Variants in KAT2A observed in about 807,000 individuals in gnomAD.
KAT2A encodes the protein lysine acetyltransferase 2A.
A neutral mutation model predicts 95.2 loss-of-function variants in KAT2A; 42 were observed. The ratio of observed to expected loss-of-function variants is 0.44; its 90% confidence interval spans 0.34 to 0.57. KAT2A has a LOEUF of 0.57. Among genes scored for constraint, KAT2A ranks in the 20% least tolerant of loss-of-function variants. The probability of loss-of-function intolerance (pLI) is 0.01; values close to 1 mark genes in which losing one functional copy is unlikely to be tolerated. For synonymous variants in KAT2A, 449 were observed against 448.2 expected (o/e 1.00, Z -0.02); for missense variants, 784 against 1,126.3 (o/e 0.70, Z 4.35).
rs782386064 is a variant in KAT2A, at chr17:42,120,377, G to C, written c.464-7C>G. The C allele has an allele frequency of 3.7e-6, 6 of 1,613,918 alleles. No individual in the cohort carries two copies. The highest frequency in any genetic ancestry group is 1.7e-5 in the Admixed American group (1 of 59,996). ...AAGTGGGATACGTGGTCAGCTGCAAGACAGATGGCAGAGTTAGGAAAAATT... is the reference window on the plus strand; with the variant it reads ...AAGTGGGATACGTGGTCAGCTGCAACACAGATGGCAGAGTTAGGAAAAATT... On this transcript the variant is annotated splice_polypyrimidine_tract_variant and splice_region_variant and intron_variant, in intron 2 of 17. Coordinates refer to ENST00000225916, the MANE Select transcript of KAT2A (RefSeq NM_021078.3).
At position 42,119,760 on chromosome 17, in the gene KAT2A, T is replaced by A; in HGVS notation, c.700-42A>T. The A allele has an allele frequency of 6.5e-7, 1 of 1,527,530 alleles. No individual in the cohort carries two copies. The highest frequency in any genetic ancestry group is 1.4e-5 in the African/African-American group (1 of 72,412). The allele number at this position is 1,527,530 out of a possible 1,614,324, so 94.6% of individuals were successfully genotyped here. On this transcript the variant is annotated intron_variant, in intron 4 of 17. Coordinates refer to ENST00000225916, the MANE Select transcript of KAT2A (RefSeq NM_021078.3). The surrounding 1 kb of genome is among the most constrained non-coding windows in gnomAD (Gnocchi z 5.3). ...GGGGGATAAAACCAGGAATGAGGTG[T>A]GAGCAGCCCGCAGGGCCTTCTTAGA...
chr17:42,120,537 T>C (rs927421834), intron 2 of KAT2A, among the ~76,000 whole-genome samples, 167 bp from the exon 3 acceptor site: 1 of 152,218 alleles, frequency 6.6e-6, no homozygotes, highest in Non-Finnish European at 1.5e-5. Context: ...GGGCCTGTTC[T>C]GGGCTGAGAG....
In KAT2A at chr17:42,119,377, G is replaced by A. The variant is rs1332371132; in HGVS notation, c.941C>T (p.Thr314Ile). Residue 314 changes from threonine (T) to isoleucine (I), a missense_variant, in exon 6 of 18, where the codon ACT becomes ATT. Transcript: ENST00000225916. The surrounding 1 kb of genome is among the most constrained non-coding windows in gnomAD (Gnocchi z 5.3). ...SCDSLPRYET[T>I]HVFGRSLLRS... ...GAGAAGGCTTCGCCCAAAGACATGA[G>A]TGGTTTCGTAGCGGGGGAGGCTATC... 5 of 1,613,998 alleles carry A rather than the reference G, an allele frequency of 3.1e-6. No individual in the cohort carries two copies. The highest frequency in any genetic ancestry group is 4.2e-6 in the Non-Finnish European group (5 of 1,179,980).
At chr17:42,115,332 C>T (rs1245928854) in intron 12 of KAT2A, among the ~76,000 whole-genome samples, 1 of 131,238 alleles carries the variant, frequency 7.6e-6, no homozygotes, top group Non-Finnish European at 1.6e-5. Context: ...ACTGGCCCCC[C>T]AGTTCCTCCA....
rs140809269 is a variant in KAT2A at position 42,118,022 on chromosome 17, GGAGA to G, written c.1181-9_1181-6del. The G allele has an allele frequency of 4.1e-6, 6 of 1,460,264 alleles. No homozygotes were observed. Among genetic ancestry groups the G allele is most frequent in the Non-Finnish European group, 5.6e-6 (6 of 1,077,046 alleles). The allele number at this position is 1,460,264 out of a possible 1,614,324, so 90.5% of individuals were successfully genotyped here. ...CAACCGCTGCACTGACTGAAGCTGA[GGAGA>G]GAGAGAGACGTCAGGGATGGGGGGC... is the stretch of plus-strand genomic sequence containing the variant. On this transcript the variant is annotated splice_region_variant and splice_polypyrimidine_tract_variant and intron_variant, in intron 7 of 17. Transcript: ENST00000225916.
rs782454613 is a variant in KAT2A at position 42,120,021 on chromosome 17, C to A, written c.699+9G>T. The A allele has an allele frequency of 6.2e-7, 1 of 1,610,102 alleles. No individual in the cohort carries two copies. Among genetic ancestry groups the A allele is most frequent in the African/African-American group, 1.3e-5 (1 of 74,830 alleles). On this transcript the variant is annotated intron_variant, in intron 4 of 17. Transcript: ENST00000225916. ...CTCCTATCCGCTATCTCCAATTCCCCTATCTCACCTGCTCAATATTAGGTT... is the reference window on the plus strand; with the variant it reads ...CTCCTATCCGCTATCTCCAATTCCCATATCTCACCTGCTCAATATTAGGTT...
At position 42,120,209 on chromosome 17, in the gene KAT2A, T is replaced by G. The variant is rs1198833562; in HGVS notation, c.609+16A>C. The stretch of plus-strand genomic sequence containing the variant: ...CCCACCTCCTTCACTCACACCCTCC[T>G]TTAGTGGAAGCTCACCTTGAAGAGG... On this transcript the variant is annotated intron_variant, in intron 3 of 17. Coordinates refer to ENST00000225916, the MANE Select transcript of KAT2A (RefSeq NM_021078.3). 5 of 1,614,010 alleles carry G rather than the reference T, an allele frequency of 3.1e-6. No individual in the cohort carries two copies. The highest frequency in any genetic ancestry group is 4.2e-6 in the Non-Finnish European group (5 of 1,179,970).
At chr17:42,115,067 C>A in intron 12 of KAT2A, 32 bp from the exon 13 acceptor site, 1 of 1,607,590 alleles carries the variant, frequency 6.2e-7, no homozygotes, top group Non-Finnish European at 8.5e-7. Context: ...CCCAGTCCAT[C>A]CATAAGTATT....
Position 42,117,192 on chromosome 17 carries a change from T to C in KAT2A, c.1638-31A>G, listed in dbSNP as rs1555666140. 1 of 1,610,386 alleles carries C rather than the reference T, an allele frequency of 6.2e-7. No homozygotes were observed. The highest frequency in any genetic ancestry group is 1.1e-5 in the South Asian group (1 of 91,018). On this transcript the variant is annotated intron_variant, in intron 10 of 17. Transcript: ENST00000225916. This position sits in a 1 kb window ranked among gnomAD's most constrained non-coding sequence, Gnocchi z 8.9. ...AGAGAGGGGGGCATGTCATAGCCCC[T>C]GACTGTCCCCTTCAGGTCCCCAGAG...
rs1555666752 is a variant in KAT2A at position 42,119,237 on chromosome 17, A to G, written c.1073+8T>C. Reference sequence around the variant, plus strand: ...GGCCAAATCCTGGTAGGCCAGAAGGAGCCTTACTTGGGGAAGTGAGTGAGG... The same window carrying G: ...GGCCAAATCCTGGTAGGCCAGAAGGGGCCTTACTTGGGGAAGTGAGTGAGG... On this transcript the variant is annotated splice_region_variant and intron_variant, in intron 6 of 17. Coordinates refer to ENST00000225916, the MANE Select transcript of KAT2A (RefSeq NM_021078.3). This position sits in a 1 kb window ranked among gnomAD's most constrained non-coding sequence, Gnocchi z 5.3. The G allele has an allele frequency of 1.9e-6, 3 of 1,595,568 alleles. No homozygotes were observed. In the East Asian group the frequency reaches 6.8e-5, roughly 36 times the overall value.
At chr17:42,113,956 G>T in intron 17 of KAT2A, 44 bp downstream of exon 17, 1 of 1,487,176 alleles carries the variant, frequency 6.7e-7, no homozygotes. Context: ...GAGCAGGTGT[G>T]GGGACAGAAG....
In KAT2A at chr17:42,119,305, C is replaced by A; in HGVS notation, c.1013G>T (p.Arg338Leu). 6.2e-7 allele frequency: 1 copy of A among 1,614,082 alleles called. No homozygotes were observed. The highest frequency in any genetic ancestry group is 8.5e-7 in the Non-Finnish European group (1 of 1,179,952). ...GGGCACCAATTTGTCCTTCTCCACT[C>A]GGAACTTTTCCAGCAGCTGCCGGCG... The part of the protein sequence containing the change: ...VTRRQLLEKF[R>L]VEKDKLVPEK... The change falls in exon 6 of 18, where the codon CGA becomes CTA. Residue 338 changes from arginine to leucine, a missense_variant. By Grantham distance (102) the Arg-to-Leu change is moderately radical. Around this residue, in one of 6 missense-constraint regions of KAT2A, gnomAD observed 208 missense variants for 339.7 expected, o/e 0.61. Coordinates refer to ENST00000225916, the MANE Select transcript of KAT2A (RefSeq NM_021078.3). The surrounding 1 kb of genome is among the most constrained non-coding windows in gnomAD (Gnocchi z 5.3).
At chr17:42,120,859 A>G in intron 1 of KAT2A, 30 bp from the exon 2 acceptor site, 2 of 1,596,088 alleles carry the variant, frequency 1.3e-6, no homozygotes, top group Non-Finnish European at 1.7e-6. Flanking sequence ...TCAATGACCT[A>G]TACCTCTGGG....
rs201300257 is a variant in KAT2A at position 42,113,734 on chromosome 17, G to A, written c.2429C>T (p.Pro810Leu). The change falls in exon 18 of 18, where the codon CCG becomes CTG. Residue 810 changes from proline (P) to leucine (L), a missense_variant. Physicochemically the swap from Pro to Leu is moderately conservative, Grantham distance 98 (BLOSUM62 -3). Around this residue, in one of 6 missense-constraint regions of KAT2A, gnomAD observed 195 missense variants for 247.1 expected, o/e 0.79. Coordinates refer to ENST00000225916, the MANE Select transcript of KAT2A (RefSeq NM_021078.3). ...GGCACAGCGGCAGTACTCGCTGTCC[G>A]GGGGGTTGTACTCGCGACAGTTGGC... ...VIANCREYNP[P>L]DSEYCRCASA... 19 of 1,610,706 alleles carry A rather than the reference G, an allele frequency of 1.2e-5. No individual in the cohort carries two copies. Among genetic ancestry groups the A allele is most frequent in the East Asian group, 8.9e-5 (4 of 44,708 alleles).
At position 42,114,150 on chromosome 17, in the gene KAT2A, C is replaced by T. The variant is rs574915212; in HGVS notation, c.2236-66G>A. On this transcript the variant is annotated intron_variant, in intron 16 of 17. Coordinates refer to ENST00000225916, the MANE Select transcript of KAT2A (RefSeq NM_021078.3). The surrounding 1 kb of genome is among the most constrained non-coding windows in gnomAD (Gnocchi z 6.0). ...CACGCCAGCCCGAGACCACTACCCA[C>T]CCCACACTGCATCAAGAGGCCACAG... is the stretch of plus-strand genomic sequence containing the variant. The T allele has an allele frequency of 9.0e-5, 142 of 1,575,162 alleles. No individual in the cohort carries two copies. The Admixed American group carries it at 2.8e-3, about 31-fold the overall frequency.
chr17:42,120,145 G>C (rs2054315295), intron 3 of KAT2A, 26 bp from the exon 4 acceptor site: 1 of 1,613,636 alleles, frequency 6.2e-7, no homozygotes, highest in Non-Finnish European at 8.5e-7. Flanking sequence ...AGGGGGCATA[G>C]AGGGGAGGGG....
At position 42,118,349 on chromosome 17, in the gene KAT2A, C is replaced by T. The variant is rs143274186; in HGVS notation, c.1128G>A (p.Glu376=). The T allele has an allele frequency of 6.8e-5, 109 of 1,614,114 alleles. No homozygotes were observed. In the African/African-American group the frequency reaches 1.4e-3, roughly 21 times the overall value. The part of the protein sequence containing the change: ...EIYGANSPIW[E]SGFTMPPSEG... ...CTGAGGGTGGCATGGTGAAGCCTGA[C>T]TCCCAGATTGGAGAGTTTGCCCCAT... Residue 376 remains glutamate (E), a synonymous_variant, in exon 7 of 18, where the codon GAG becomes GAA. Transcript: ENST00000225916.
chr17:42,118,347 G>A lies in KAT2A; in HGVS notation c.1130C>T (p.Ser377Leu). The A allele has an allele frequency of 6.2e-7, 1 of 1,614,038 alleles. No homozygotes were observed. The highest frequency in any genetic ancestry group is 8.5e-7 in the Non-Finnish European group (1 of 1,179,882). The change falls in exon 7 of 18, where the codon TCA becomes TTA. Residue 377 changes from serine (S) to leucine (L), a missense_variant. Transcript: ENST00000225916. ...IYGANSPIWE[S>L]GFTMPPSEGT... ...CTCTGAGGGTGGCATGGTGAAGCCT[G>A]ACTCCCAGATTGGAGAGTTTGCCCC...
Position 42,117,604 on chromosome 17 carries a change from C to T in KAT2A, c.1429-8G>A. 1.9e-6 allele frequency: 3 copies of T among 1,610,990 alleles called. No homozygotes were observed. The highest frequency in any genetic ancestry group is 2.5e-6 in the Non-Finnish European group (3 of 1,178,538). ...GGCCGAAAGCAGGCTCGTCTGGGCA[C>T]AGAAGAGGGGTGGTGAGCCGGGGTC... On this transcript the variant is annotated splice_region_variant and splice_polypyrimidine_tract_variant and intron_variant, in intron 9 of 17. Coordinates refer to ENST00000225916, the MANE Select transcript of KAT2A (RefSeq NM_021078.3). The surrounding 1 kb of genome is among the most constrained non-coding windows in gnomAD (Gnocchi z 8.9).
Sources: allele counts gnomAD v4.1 joint callset (sites outside exome capture counted in the v4.1 genomes callset), GRCh38; gene constraint gnomAD v4.1.1; regional missense constraint gnomAD v4.1.1; non-coding constraint Gnocchi (gnomAD v3.1); transcripts MANE v1.5; gene names NCBI Gene and HGNC (gene_info 2026-07-23, HGNC 2026-07-21).